The following LARP1B variants were observed in gnomAD, a reference collection of about 807,000 sequenced individuals.
LARP1B encodes the protein la-related protein 1B.
Under a neutral mutation model 114.2 loss-of-function variants are expected in LARP1B, and 76 were observed. That is an observed-to-expected ratio of 0.67 (90% CI 0.55 to 0.81). The LOEUF (loss-of-function observed/expected upper bound fraction) is 0.81. LARP1B is among the 30% of genes least tolerant of loss of function. LARP1B has a pLI of 0.00. For synonymous variants in LARP1B, 345 were observed against 348.0 expected, an observed-to-expected ratio of 0.99 and a Z score of 0.10; for missense variants, 1,014 against 1,075.8, an observed-to-expected ratio of 0.94 and a Z score of 0.80.
chr4:128,121,789 A>C (rs1788063257), intron 10 of LARP1B, 37 bp from the exon 11 acceptor site: 3 of 1,386,582 alleles, frequency 2.2e-6, no homozygotes, highest in Middle Eastern at 2.6e-4. Flanking sequence ...AAAATGATAG[A>C]AAGTTTTTTA....
At chr4:128,117,358 T>C (rs1208086325) in intron 10 of LARP1B, among the ~76,000 whole-genome samples, 2 of 151,860 alleles carry the variant, frequency 1.3e-5, no homozygotes, top group Non-Finnish European at 2.9e-5. Context: ...TACAGGCACC[T>C]GCTACTACAC....
In LARP1B at chr4:128,200,579, G is replaced by A. The variant is rs1053949432; in HGVS notation, c.2223G>A (p.Trp741Ter). 5.0e-6 allele frequency: 8 copies of A among 1,595,002 alleles called. No individual in the cohort carries two copies. The Admixed American group carries it at 6.9e-5, about 14-fold the overall frequency. ...SQEMNTLFRF[W>*]SFFLRDHFNK... ...AAATGAATACCCTCTTTCGTTTCTG[G>A]TCCTTTTTCCTCAGAGATCACTTCA... is the stretch of plus-strand genomic sequence containing the variant. Residue 741 changes from tryptophan (W) to a stop codon, truncating the protein, a stop_gained, in exon 17 of 20, where the codon TGG becomes TGA. Coordinates refer to ENST00000326639, the MANE Select transcript of LARP1B (RefSeq NM_018078.4). LOFTEE classifies it high-confidence loss of function.
chr4:128,136,149 T>C (rs890917765), intron 11 of LARP1B, among the ~76,000 whole-genome samples: 3 of 151,642 alleles, frequency 2.0e-5, no homozygotes, highest in Non-Finnish European at 4.4e-5. Flanking sequence ...AAAAATTAGC[T>C]GGGTGTGGTG....
rs1284806508 is a variant in LARP1B at position 128,114,653 on chromosome 4, A to G, written c.1072A>G (p.Arg358Gly). ...SETSILQAMSRGLSTSLPDLD... is the reference protein window; with the variant it reads ...SETSILQAMSGGLSTSLPDLD... The stretch of plus-strand genomic sequence containing the variant: ...AACAAGTATTCTTCAAGCAATGTCT[A>G]GAGGTTTGTCTACCAGTTTGCCTGA... The change falls in exon 10 of 20, where the codon AGA becomes GGA. Residue 358 changes from arginine (R) to glycine (G), a missense_variant. Physicochemically the swap from Arg to Gly is moderately radical, Grantham distance 125. Transcript: ENST00000326639. The G allele has an allele frequency of 1.2e-6, 2 of 1,613,786 alleles. No individual in the cohort carries two copies. Among genetic ancestry groups the G allele is most frequent in the Non-Finnish European group, 1.7e-6 (2 of 1,179,784 alleles).
intron 12 of LARP1B, 41 bp from the exon 13 acceptor site, chr4:128,176,831 C>A: frequency 6.3e-7 from 1 of 1,578,016 alleles, no homozygotes; most frequent in Non-Finnish European, 8.7e-7. Flanking sequence ...GGATAAAATG[C>A]AGACACAGCA....
intron 12 of LARP1B, among the ~76,000 whole-genome samples, chr4:128,169,393 T>C (rs916804023): frequency 6.6e-6 from 1 of 152,044 alleles, no homozygotes; most frequent in Non-Finnish European, 1.5e-5. Context: ...TTAGGTGTTA[T>C]TGTATTTTGA....
intron 1 of LARP1B, among the ~76,000 whole-genome samples, chr4:128,073,441 AAAAAAAG>A (rs1561054955): frequency 2.8e-5 from 4 of 143,630 alleles, no homozygotes; most frequent in Non-Finnish European, 6.0e-5. Context: ...AAAAAAAAAA[AAAAAAAG>A]AAAGAAAGAA....
chr4:128,103,105 A>G (rs1780840219), intron 8 of LARP1B, among the ~76,000 whole-genome samples: 1 of 152,184 alleles, frequency 6.6e-6, no homozygotes, highest in African/African-American at 2.4e-5. Context: ...AAAACCTCAG[A>G]TACTGGAAAA....
intron 19 of LARP1B, among the ~76,000 whole-genome samples, chr4:128,209,221 C>A (rs1285467890): frequency 6.6e-6 from 1 of 152,098 alleles, no homozygotes; most frequent in Non-Finnish European, 1.5e-5. Flanking sequence ...GAGTTTGAGA[C>A]CACCCAGGGC....
At chr4:128,071,357 T>C (rs1253404468) in intron 1 of LARP1B, among the ~76,000 whole-genome samples, 1 of 151,808 alleles carries the variant, frequency 6.6e-6, no homozygotes, top group Non-Finnish European at 1.5e-5. Flanking sequence ...ACAAGTTGCT[T>C]TTTAAAGTAA....
intron 12 of LARP1B, among the ~76,000 whole-genome samples, chr4:128,173,804 T>A (rs1744825395): frequency 6.6e-6 from 1 of 152,150 alleles, no homozygotes; most frequent in Non-Finnish European, 1.5e-5. Flanking sequence ...CTCTAACCCT[T>A]TTTAAGTGTA....
At chr4:128,193,451 T>C (rs1752942966) in intron 15 of LARP1B, among the ~76,000 whole-genome samples, 1 of 152,186 alleles carries the variant, frequency 6.6e-6, no homozygotes, top group African/African-American at 2.4e-5. Context: ...GCTTTTTAAA[T>C]TGTTAGAATA....
intron 4 of LARP1B, among the ~76,000 whole-genome samples, chr4:128,080,046 C>T (rs529492730): frequency 6.7e-6 from 1 of 150,072 alleles, no homozygotes; most frequent in Non-Finnish European, 1.5e-5. Flanking sequence ...TGCAATGGCG[C>T]GATCTCCAGC....
intron 7 of LARP1B, among the ~76,000 whole-genome samples, chr4:128,094,501 A>C (rs534905005): frequency 6.6e-6 from 1 of 150,440 alleles, no homozygotes; most frequent in South Asian, 2.1e-4. Flanking sequence ...CCCGGGTTCA[A>C]GTTCAAGCAA....
At chr4:128,063,192 C>T (rs2149249769) in intron 1 of LARP1B, among the ~76,000 whole-genome samples, 1 of 151,526 alleles carries the variant, frequency 6.6e-6, no homozygotes, top group African/African-American at 2.4e-5. Context: ...TTTGGGAGGC[C>T]GAGGCGGGCG....
chr4:128,093,089 A>G, intron 7 of LARP1B: 1 of 971,262 alleles, frequency 1.0e-6, no homozygotes, highest in Non-Finnish European at 1.2e-6. Context: ...GGCATTGGTC[A>G]TGCCTCTTTT....
intron 16 of LARP1B, 114 bp downstream of exon 16, chr4:128,199,713 T>TAGTTTAAAGTAAA: frequency 2.2e-6 from 1 of 446,402 alleles, no homozygotes; most frequent in Non-Finnish European, 3.7e-6. Context: ...TGTTAGACTA[T>TAGTTTAAAGTAAA]ACATAGTTTT....
Position 128,211,114 on chromosome 4 carries a change from A to T in LARP1B, c.*1061A>T. ...GTTTCAGTTTTTGTGAGATTTAAAA[A>T]AATAAAGCACTTATTCTGAATTTTT... is the stretch of plus-strand genomic sequence containing the variant. On this transcript the variant is annotated 3_prime_UTR_variant, in exon 20 of 20. Coordinates refer to ENST00000326639, the MANE Select transcript of LARP1B (RefSeq NM_018078.4). 1 of 903,184 alleles carries T rather than the reference A, an allele frequency of 1.1e-6. No homozygotes were observed. Among genetic ancestry groups the T allele is most frequent in the African/African-American group, 1.8e-5 (1 of 55,598 alleles). The allele number at this position is 903,184 out of a possible 1,614,324, so 55.9% of individuals were successfully genotyped here.
chr4:128,170,837 G>A (rs886130432), intron 12 of LARP1B, among the ~76,000 whole-genome samples: 5 of 140,700 alleles, frequency 3.6e-5, no homozygotes, highest in African/African-American at 1.3e-4. Flanking sequence ...TTGGATTTAG[G>A]TCAACCTTTT....
Sources: gnomAD v4.1 joint callset for allele counts (sites outside exome capture counted in the v4.1 genomes callset) on GRCh38, gnomAD v4.1.1 for gene constraint, MANE v1.5 for transcripts, NCBI Gene and HGNC (gene_info 2026-07-23, HGNC 2026-07-21) for gene names.